Variants in GULP1 observed in about 807,000 individuals in gnomAD.
GULP1 encodes the protein PTB domain-containing engulfment adapter protein 1.
In GULP1, 19 loss-of-function variants were observed where a neutral mutation model predicts 40.9. The ratio of observed to expected loss-of-function variants is 0.46; its 90% CI spans 0.32 to 0.68. The LOEUF (loss-of-function observed/expected upper bound fraction) is 0.68. Among genes scored for constraint, GULP1 ranks in the 30% least tolerant of loss-of-function variants. GULP1 has a pLI of 0.03. For synonymous variants in GULP1, 119 were observed against 117.6 expected (o/e 1.01, Z -0.08); for missense variants, 312 against 362.2 (o/e 0.86, Z 1.12).
intron 1 of GULP1, among the ~76,000 whole-genome samples, chr2:188,368,454 G>T (rs1407201188): frequency 6.6e-6 from 1 of 151,986 alleles, no homozygotes; most frequent in Non-Finnish European, 1.5e-5. Context: ...GGTGGCATGC[G>T]CCTGTAGTCC....
At chr2:188,408,484 A>G (rs1050681549) in intron 2 of GULP1, among the ~76,000 whole-genome samples, 2 of 152,208 alleles carry the variant, frequency 1.3e-5, no homozygotes, top group South Asian at 4.1e-4. Context: ...TTTTAAGTAT[A>G]TATGTACCAA....
intron 2 of GULP1, among the ~76,000 whole-genome samples, chr2:188,454,478 A>G (rs2059096402): frequency 1.3e-5 from 2 of 152,314 alleles, no homozygotes; most frequent in Middle Eastern, 3.4e-3. Context: ...ATCAGAGGAA[A>G]GCATGCCAGA....
chr2:188,365,621 C>G (rs1469956282), intron 1 of GULP1, among the ~76,000 whole-genome samples: 2 of 152,070 alleles, frequency 1.3e-5, no homozygotes, highest in Non-Finnish European at 2.9e-5. Flanking sequence ...GGAATGTCTG[C>G]AACATTGTCT....
At chr2:188,470,012 A>G (rs1243363845) in intron 2 of GULP1, among the ~76,000 whole-genome samples, 1 of 152,088 alleles carries the variant, frequency 6.6e-6, no homozygotes, top group Non-Finnish European at 1.5e-5. Flanking sequence ...ATTGGCTTAT[A>G]GTTTTCTTTT....
intron 3 of GULP1, among the ~76,000 whole-genome samples, chr2:188,481,365 A>G (rs1275775366): frequency 6.6e-6 from 1 of 152,024 alleles, no homozygotes; most frequent in African/African-American, 2.4e-5. Flanking sequence ...AGTATAAATT[A>G]GGATGACAGT....
chr2:188,455,026 G>A (rs73040470), intron 2 of GULP1, among the ~76,000 whole-genome samples: 3,376 of 152,202 alleles, frequency 0.022, 130 homozygotes, highest in African/African-American at 0.077. Context: ...CAGCTACTCA[G>A]GAGGGTAAGC....
At chr2:188,445,875 C>T (rs759140462) in intron 2 of GULP1, among the ~76,000 whole-genome samples, 5 of 152,102 alleles carry the variant, frequency 3.3e-5, no homozygotes, top group Non-Finnish European at 5.9e-5. Context: ...AGGTAGTAAA[C>T]CAAACATGAA....
intron 2 of GULP1, among the ~76,000 whole-genome samples, chr2:188,468,547 G>GA (rs1450139412): frequency 2.6e-5 from 4 of 152,082 alleles, no homozygotes; most frequent in African/African-American, 7.2e-5. Context: ...CCATTATTTT[G>GA]AAAAAACTAG....
intron 7 of GULP1, among the ~76,000 whole-genome samples, chr2:188,549,521 T>C (rs1692900873): frequency 6.6e-6 from 1 of 151,792 alleles, no homozygotes; most frequent in South Asian, 2.1e-4. Flanking sequence ...AAAAAGTACA[T>C]CATTCACACA....
intron 4 of GULP1, among the ~76,000 whole-genome samples, chr2:188,486,936 G>T (rs2061913766): frequency 6.6e-6 from 1 of 151,916 alleles, no homozygotes; most frequent in South Asian, 2.1e-4. Context: ...CAAAAAAGGT[G>T]ATTGCAGTTC....
At chr2:188,389,798 G>C (rs2050272614) in intron 2 of GULP1, among the ~76,000 whole-genome samples, 1 of 152,010 alleles carries the variant, frequency 6.6e-6, no homozygotes, top group South Asian at 2.1e-4. Context: ...GCTATCCAGA[G>C]TCTCCAAAGT....
chr2:188,447,115 A>G (rs916583781), intron 2 of GULP1, among the ~76,000 whole-genome samples: 1 of 152,204 alleles, frequency 6.6e-6, no homozygotes, highest in Non-Finnish European at 1.5e-5. Context: ...AAAAATTTTC[A>G]TATTGGCAAT....
At chr2:188,566,911 T>C (rs1020285906) in intron 7 of GULP1, among the ~76,000 whole-genome samples, 5 of 151,544 alleles carry the variant, frequency 3.3e-5, no homozygotes, top group African/African-American at 1.2e-4. Flanking sequence ...ATCCAGAATT[T>C]GCAAGGAACT....
intron 2 of GULP1, among the ~76,000 whole-genome samples, chr2:188,423,614 C>G (rs887805033): frequency 6.6e-6 from 1 of 151,514 alleles, no homozygotes. Context: ...GATATAAAAA[C>G]AAAGTTTCTC....
At chr2:188,482,524 T>C (rs2061518355) in intron 3 of GULP1, among the ~76,000 whole-genome samples, 1 of 151,810 alleles carries the variant, frequency 6.6e-6, no homozygotes, top group East Asian at 1.9e-4. Flanking sequence ...CAAAATATCA[T>C]TGAAGATTGA....
At chr2:188,586,923 T>C (rs1374578521) in intron 10 of GULP1, among the ~76,000 whole-genome samples, 1 of 152,002 alleles carries the variant, frequency 6.6e-6, no homozygotes. Context: ...TTAGGGTACA[T>C]GTGCACATTG....
At chr2:188,380,683 T>G (rs2048906042) in intron 1 of GULP1, among the ~76,000 whole-genome samples, 1 of 152,188 alleles carries the variant, frequency 6.6e-6, no homozygotes, top group African/African-American at 2.4e-5. Flanking sequence ...TTAAATACTG[T>G]TAAATTATTG....
chr2:188,471,405 A>G (rs972220116), intron 2 of GULP1, among the ~76,000 whole-genome samples: 1 of 151,314 alleles, frequency 6.6e-6, no homozygotes, highest in African/African-American at 2.4e-5. Context: ...CTGCCGTTTT[A>G]TTATTTGTTT....
chr2:188,485,590 A>G, intron 4 of GULP1, among the ~76,000 whole-genome samples: 1 of 151,236 alleles, frequency 6.6e-6, no homozygotes, highest in East Asian at 1.9e-4. Flanking sequence ...TTGACCACAG[A>G]AAGTAGCTTG....
Sources: allele counts gnomAD v4.1 joint callset (sites outside exome capture counted in the v4.1 genomes callset), GRCh38; gene constraint gnomAD v4.1.1; transcripts MANE v1.5; gene names NCBI Gene and HGNC (gene_info 2026-07-23, HGNC 2026-07-21).